The following CNTNAP2 variants were observed in gnomAD, a reference collection of about 807,000 sequenced individuals.
The protein encoded by CNTNAP2 is contactin associated protein 2, also known as contactin-associated protein-like 2.
In CNTNAP2, 98 loss-of-function variants were observed where a neutral mutation model predicts 155.2. The observed-to-expected ratio is 0.63, with a 90% confidence interval of 0.54 to 0.75. The LOEUF (loss-of-function observed/expected upper bound fraction) is 0.75. CNTNAP2 is among the 30% of genes least tolerant of loss of function. The probability of loss-of-function intolerance (pLI) is 0.00; values close to 1 mark genes in which losing one functional copy is unlikely to be tolerated. For missense variants in CNTNAP2, 1,727 were observed against 1,688.1 expected (o/e 1.02, Z -0.40); for synonymous variants, 651 against 631.2 (o/e 1.03, Z -0.47).
intron 3 of CNTNAP2, among the ~76,000 whole-genome samples, chr7:146,946,131 C>T (rs1797168815): frequency 6.7e-6 from 1 of 149,664 alleles, no homozygotes; most frequent in African/African-American, 2.5e-5. Context: ...TCTTTCCTTC[C>T]TTCCTTCCTT....
chr7:146,131,011 A>G, intron 1 of CNTNAP2, among the ~76,000 whole-genome samples: 1 of 152,174 alleles, frequency 6.6e-6, no homozygotes, highest in East Asian at 1.9e-4. Flanking sequence ...TCAAGATGAG[A>G]TTTGGGTGGG....
At chr7:146,585,802 A>G (rs537886609) in intron 1 of CNTNAP2, among the ~76,000 whole-genome samples, 3 of 149,624 alleles carry the variant, frequency 2.0e-5, no homozygotes, top group African/African-American at 4.9e-5. Context: ...GGAAGGAAGG[A>G]AGGAGGGAGG....
At chr7:146,698,239 T>G (rs184125861) in intron 1 of CNTNAP2, among the ~76,000 whole-genome samples, 1,808 of 152,272 alleles carry the variant, frequency 0.012, 21 homozygotes, top group Middle Eastern at 0.054. Context: ...TACCTTCATT[T>G]ATTTTTTCTT....
chr7:146,667,561 A>G (rs1031258592), intron 1 of CNTNAP2, among the ~76,000 whole-genome samples: 3 of 151,806 alleles, frequency 2.0e-5, no homozygotes, highest in Non-Finnish European at 4.4e-5. Context: ...ATTCTTTTCG[A>G]TAGTATGGCC....
intron 11 of CNTNAP2, among the ~76,000 whole-genome samples, chr7:147,491,242 C>T (rs1179264181): frequency 1.3e-5 from 2 of 152,114 alleles, no homozygotes; most frequent in Non-Finnish European, 2.9e-5. Flanking sequence ...TCCCATTCTC[C>T]CCTTCAATGC....
chr7:148,114,438 G>T (rs775608411), intron 15 of CNTNAP2, among the ~76,000 whole-genome samples: 9 of 152,172 alleles, frequency 5.9e-5, no homozygotes, highest in Non-Finnish European at 1.2e-4. Context: ...TTTATGAATG[G>T]TGACTATATT....
intron 9 of CNTNAP2, among the ~76,000 whole-genome samples, chr7:147,365,487 G>A (rs1244876285): frequency 2.0e-5 from 3 of 148,698 alleles, no homozygotes; most frequent in Non-Finnish European, 3.0e-5. Flanking sequence ...TTTGTCAGAT[G>A]AATGTTTGAA....
intron 11 of CNTNAP2, among the ~76,000 whole-genome samples, chr7:147,546,290 T>A (rs1358645867): frequency 1.3e-5 from 2 of 152,184 alleles, no homozygotes; most frequent in Non-Finnish European, 2.9e-5. Flanking sequence ...ATGTACACAT[T>A]ATCATGTTGG....
intron 3 of CNTNAP2, among the ~76,000 whole-genome samples, chr7:146,996,732 C>CT (rs1798314822): frequency 6.6e-6 from 1 of 152,138 alleles, no homozygotes; most frequent in African/African-American, 2.4e-5. Context: ...CTGGCTAGGA[C>CT]TTCTAGTACC....
intron 1 of CNTNAP2, among the ~76,000 whole-genome samples, chr7:146,568,943 C>T (rs1220003811): frequency 2.6e-5 from 4 of 151,824 alleles, no homozygotes; most frequent in South Asian, 2.1e-4. Context: ...CCCAAAGTCA[C>T]GCAAATCACA....
At chr7:147,296,654 C>A (rs1805452735) in intron 8 of CNTNAP2, among the ~76,000 whole-genome samples, 1 of 152,220 alleles carries the variant, frequency 6.6e-6, no homozygotes, top group Non-Finnish European at 1.5e-5. Context: ...AACTATCTTA[C>A]AAAGTAACCT....
intron 13 of CNTNAP2, among the ~76,000 whole-genome samples, chr7:147,807,888 G>C (rs1398461836): frequency 6.6e-6 from 1 of 151,968 alleles, no homozygotes; most frequent in Non-Finnish European, 1.5e-5. Flanking sequence ...ATATTTATCA[G>C]GCTTTCATTG....
At chr7:146,177,034 C>T (rs1034578474) in intron 1 of CNTNAP2, among the ~76,000 whole-genome samples, 2 of 152,162 alleles carry the variant, frequency 1.3e-5, no homozygotes, top group Non-Finnish European at 2.9e-5. Flanking sequence ...ATCCATTCTG[C>T]TCTCTGTCCT....
chr7:147,041,813 A>G (rs577220583), intron 3 of CNTNAP2, among the ~76,000 whole-genome samples: 1 of 152,332 alleles, frequency 6.6e-6, no homozygotes, highest in South Asian at 2.1e-4. Context: ...TTTCAAGTTG[A>G]AATTGTTTGG....
At chr7:146,452,097 C>T (rs534251680) in intron 1 of CNTNAP2, among the ~76,000 whole-genome samples, 13 of 151,426 alleles carry the variant, frequency 8.6e-5, no homozygotes, top group African/African-American at 2.2e-4. Flanking sequence ...TTAGTAGAGA[C>T]GGGGTTTCAC....
intron 1 of CNTNAP2, among the ~76,000 whole-genome samples, chr7:146,312,646 T>C (rs1584863585): frequency 6.6e-6 from 1 of 152,300 alleles, no homozygotes; most frequent in East Asian, 1.9e-4. Context: ...CAACATACAA[T>C]GCATTACATC....
intron 1 of CNTNAP2, among the ~76,000 whole-genome samples, chr7:146,746,628 T>A (rs1046042891): frequency 6.6e-6 from 1 of 152,252 alleles, no homozygotes; most frequent in South Asian, 2.1e-4. Flanking sequence ...CAATGATGAA[T>A]AATTTTGCAC....
At chr7:146,287,325 A>C (rs1156502975) in intron 1 of CNTNAP2, among the ~76,000 whole-genome samples, 2 of 152,162 alleles carry the variant, frequency 1.3e-5, no homozygotes, top group African/African-American at 4.8e-5. Context: ...AGGTGTCCCC[A>C]CTGGGACATT....
At chr7:146,441,346 A>C (rs1796318500) in intron 1 of CNTNAP2, among the ~76,000 whole-genome samples, 1 of 151,482 alleles carries the variant, frequency 6.6e-6, no homozygotes, top group Admixed American at 6.6e-5. Flanking sequence ...TTCATATTGC[A>C]AGACAATTCA....
Sources: allele counts gnomAD v4.1 joint callset (sites outside exome capture counted in the v4.1 genomes callset), GRCh38; gene constraint gnomAD v4.1.1; transcripts MANE v1.5; gene names NCBI Gene and HGNC (gene_info 2026-07-23, HGNC 2026-07-21).